ABCA12: variants seen among roughly 807,000 people sequenced by gnomAD.
ABCA12 encodes glucosylceramide transporter ABCA12.
ABCA12 carries 156 observed loss-of-function variants against 293.5 expected under a neutral mutation model. The ratio of observed to expected loss-of-function variants is 0.53; its 90% CI spans 0.47 to 0.61. The LOEUF (loss-of-function observed/expected upper bound fraction) is 0.61, where lower values mean the gene tolerates loss of function less well. ABCA12 is among the 20% of genes least tolerant of loss of function. The pLI is 0.00. For synonymous variants in ABCA12, 1,063 were observed against 1,108.0 expected (o/e 0.96, Z 0.81); for missense variants, 2,797 against 3,090.2 (o/e 0.91, Z 2.25).
At chr2:215,051,403 T>C (rs570796722) in intron 5 of ABCA12, among the ~76,000 whole-genome samples, 16 of 152,230 alleles carry the variant, frequency 1.1e-4, no homozygotes, top group African/African-American at 3.9e-4. Flanking sequence ...AGTCCGCTTT[T>C]GTGCTGGCCT....
intron 4 of ABCA12, among the ~76,000 whole-genome samples, chr2:215,054,286 G>A (rs1289203450): frequency 6.6e-6 from 1 of 152,046 alleles, no homozygotes; most frequent in Non-Finnish European, 1.5e-5. Context: ...TCTAATTGCA[G>A]ACAACTAAAG....
chr2:214,956,105 C>T (rs1253458533), intron 42 of ABCA12, among the ~76,000 whole-genome samples: 1 of 152,110 alleles, frequency 6.6e-6, no homozygotes, highest in Non-Finnish European at 1.5e-5. Flanking sequence ...AGACAGAGTT[C>T]CTGCATTAGC....
At position 214,943,018 on chromosome 2, in the gene ABCA12, C is replaced by T; in HGVS notation, c.7344-1G>A. On this transcript the variant is annotated splice_acceptor_variant, in intron 49 of 52. Coordinates refer to ENST00000272895, the MANE Select transcript of ABCA12 (RefSeq NM_173076.3). LOFTEE classifies it high-confidence loss of function. ...ACAGAGAGCTTCACATTCTTCCATG[C>T]TAAAAGACAAAGCAGGATCATATTA... 6.2e-7 allele frequency: 1 copy of T among 1,612,342 alleles called. No homozygotes were observed. The highest frequency in any genetic ancestry group is 8.5e-7 in the Non-Finnish European group (1 of 1,179,248).
At chr2:214,977,049 T>C (rs16853030) in intron 33 of ABCA12, among the ~76,000 whole-genome samples, 6,734 of 152,310 alleles carry the variant, frequency 0.044, 264 homozygotes, top group African/African-American at 0.1. Context: ...TAAAATGAAT[T>C]CCAATTAAAC....
intron 2 of ABCA12, among the ~76,000 whole-genome samples, chr2:215,072,690 T>G (rs1198689139): frequency 2.0e-5 from 3 of 152,198 alleles, no homozygotes; most frequent in African/African-American, 7.2e-5. Flanking sequence ...CTGGGAGATA[T>G]AACAGTAACA....
chr2:215,001,762 A>G, intron 20 of ABCA12, 25 bp from the exon 21 acceptor site: 3 of 1,555,834 alleles, frequency 1.9e-6, no homozygotes, highest in Non-Finnish European at 2.6e-6. Context: ...CAAAAGAGAC[A>G]AAAAAAAATT....
chr2:215,004,130 A>G (rs1020273453), intron 20 of ABCA12, 79 bp downstream of exon 20: 112 of 1,269,714 alleles, frequency 8.8e-5, no homozygotes, highest in Non-Finnish European at 1.2e-4. Context: ...AAAAGGGGGG[A>G]AAATGTAATC....
intron 2 of ABCA12, among the ~76,000 whole-genome samples, chr2:215,086,237 C>T (rs894950786): frequency 6.6e-6 from 1 of 152,208 alleles, no homozygotes; most frequent in Non-Finnish European, 1.5e-5. Flanking sequence ...TAACCTATAA[C>T]TTAGCAACTA....
Position 215,015,731 on chromosome 2 carries a change from G to A in ABCA12, c.1783-68C>T. On this transcript the variant is annotated intron_variant, in intron 14 of 52. Transcript: ENST00000272895. ...GAGAGTCAACTGTTCATTTTGTGAG[G>A]TTTTCTGTATACTCTAAATTTTAAA... is the stretch of plus-strand genomic sequence containing the variant. 3 of 1,475,866 alleles carry A rather than the reference G, an allele frequency of 2.0e-6. No homozygotes were observed. In the Admixed American group the frequency reaches 5.1e-5, roughly 25 times the overall value. 91.4% of individuals were successfully genotyped at this position (1,475,866 alleles called of 1,614,324 possible).
In ABCA12 at chr2:214,974,061, T is replaced by C. The variant is rs749248314; in HGVS notation, c.5469-19A>G. 10 of 1,602,368 alleles carry C rather than the reference T, an allele frequency of 6.2e-6. No individual in the cohort carries two copies. In the East Asian group the frequency reaches 8.9e-5, roughly 14 times the overall value. On this transcript the variant is annotated intron_variant, in intron 35 of 52. Transcript: ENST00000272895. ...ACACTGTCTGCAAGTTAAAATGATA[T>C]TGCTGTGAGGTGTGTATGTATATGT...
chr2:214,985,978 C>A (rs890484536), intron 28 of ABCA12, among the ~76,000 whole-genome samples: 1 of 152,160 alleles, frequency 6.6e-6, no homozygotes, highest in Non-Finnish European at 1.5e-5. Context: ...CTGCTCCTGG[C>A]CTTTTTGATT....
chr2:214,982,355 G>A lies in ABCA12; in HGVS notation c.4411C>T (p.His1471Tyr). The A allele has an allele frequency of 6.2e-7, 1 of 1,613,860 alleles. No individual in the cohort carries two copies. Among genetic ancestry groups the A allele is most frequent in the Non-Finnish European group, 8.5e-7 (1 of 1,179,900 alleles). Reference sequence around the variant, plus strand: ...AGTGTTCCAACTCTCTTATGACGATGGCTATATAGTCCAGTATCTTTTAAA... The same window carrying A: ...AGTGTTCCAACTCTCTTATGACGATAGCTATATAGTCCAGTATCTTTTAAA... The part of the protein sequence containing the change: ...RTLKDTGLYS[H>Y]RHKRVGTLSG... Residue 1471 changes from histidine to tyrosine, a missense_variant, in exon 30 of 53, where the codon CAT becomes TAT. This residue lies in a region of ABCA12 where 2,130 missense variants were observed against 2,427.0 expected (regional missense o/e 0.88). Transcript: ENST00000272895.
chr2:215,096,584 C>G (rs1365383438), intron 2 of ABCA12, among the ~76,000 whole-genome samples: 2 of 152,200 alleles, frequency 1.3e-5, no homozygotes, highest in Non-Finnish European at 2.9e-5. Context: ...CAAATCCAGT[C>G]TCTACCATAT....
chr2:215,036,913 G>T, intron 8 of ABCA12, 40 bp downstream of exon 8: 2 of 1,551,518 alleles, frequency 1.3e-6, no homozygotes, highest in Non-Finnish European at 1.8e-6. Context: ...AATGGGCTTT[G>T]TGACACTGAA....
At chr2:215,032,960 G>T (rs1272644880) in intron 8 of ABCA12, among the ~76,000 whole-genome samples, 3 of 152,120 alleles carry the variant, frequency 2.0e-5, no homozygotes, top group Non-Finnish European at 4.4e-5. Context: ...ATTTAAATTA[G>T]TATGTGTGTA....
chr2:215,089,591 A>G (rs1488321072), intron 2 of ABCA12, among the ~76,000 whole-genome samples: 3 of 152,222 alleles, frequency 2.0e-5, no homozygotes, highest in Non-Finnish European at 2.9e-5. Context: ...TTAAAGTTCA[A>G]AAAGAAACAA....
chr2:214,996,382 G>A (rs529346396), intron 23 of ABCA12, among the ~76,000 whole-genome samples: 2 of 152,006 alleles, frequency 1.3e-5, no homozygotes, highest in Admixed American at 1.3e-4. Flanking sequence ...ATATTTTAAA[G>A]GTAGGTATTA....
intron 1 of ABCA12, among the ~76,000 whole-genome samples, chr2:215,128,682 A>C (rs1475616583): frequency 6.6e-6 from 1 of 151,922 alleles, no homozygotes; most frequent in Non-Finnish European, 1.5e-5. Context: ...ATTTCCTTGA[A>C]TATTTCTCCC....
In ABCA12 at chr2:215,007,821, G is replaced by A. The variant is rs745503625; in HGVS notation, c.2498C>T (p.Ala833Val). The A allele has an allele frequency of 2.9e-5, 46 of 1,613,788 alleles. No individual in the cohort carries two copies. The highest frequency in any genetic ancestry group is 1.7e-4 in the African/African-American group (13 of 74,906). The change falls in exon 19 of 53, where the codon GCG becomes GTG. Residue 833 changes from alanine to valine, a missense_variant. Physicochemically the swap from Ala to Val is moderately conservative, Grantham distance 64. Around this residue, in one of 3 missense-constraint regions of ABCA12, gnomAD observed 2,130 missense variants for 2,427.0 expected, o/e 0.88. Coordinates refer to ENST00000272895, the MANE Select transcript of ABCA12 (RefSeq NM_173076.3). The stretch of plus-strand genomic sequence containing the variant: ...CTCTTGAGATTTTTCTCTTAATTCC[G>A]CCAGCTGTCTCAGAGTTACATTGGA... Reference protein sequence around the residue: ...EKSNVTLRQLAELREKSQEWM... With the variant: ...EKSNVTLRQLVELREKSQEWM...
Sources: gnomAD v4.1 joint callset for allele counts (sites outside exome capture counted in the v4.1 genomes callset) on GRCh38, gnomAD v4.1.1 for gene constraint, gnomAD v4.1.1 regional missense constraint, MANE v1.5 for transcripts, NCBI Gene and HGNC (gene_info 2026-07-23, HGNC 2026-07-21) for gene names.